Variants in MYOM2 observed in about 807,000 individuals in gnomAD.
MYOM2 encodes the protein myomesin-2.
MYOM2 carries 254 observed loss-of-function variants against 187.6 expected under a neutral mutation model. The observed-to-expected ratio is 1.35, with a 90% confidence interval of 1.22 to 1.50. The LOEUF is 1.50. MYOM2 is among the 40% of genes most tolerant of loss of function. The probability of loss-of-function intolerance (pLI) is 0.00; values close to 1 mark genes in which losing one functional copy is unlikely to be tolerated. For synonymous variants in MYOM2, 981 were observed against 753.8 expected, an observed-to-expected ratio of 1.30 and a Z score of -4.94; for missense variants, 2,796 against 1,924.0, an observed-to-expected ratio of 1.45 and a Z score of -8.48.
chr8:2,124,322 G>T (rs570179522), intron 31 of MYOM2, 105 bp downstream of exon 31: 20 of 1,192,644 alleles, frequency 1.7e-5, no homozygotes, highest in African/African-American at 3.0e-5. Context: ...GAGCTGTGGT[G>T]CGTGTTCTGT....
intron 11 of MYOM2, among the ~76,000 whole-genome samples, chr8:2,077,678 A>G (rs958128375): frequency 6.6e-6 from 1 of 152,096 alleles, no homozygotes; most frequent in Non-Finnish European, 1.5e-5. Context: ...TTTTCCCGCC[A>G]TGTTGACAAA....
At chr8:2,129,016 G>C (rs948766040) in intron 31 of MYOM2, 111 bp from the exon 32 acceptor site, 8 of 677,484 alleles carry the variant, frequency 1.2e-5, no homozygotes, top group African/African-American at 1.1e-4. Context: ...AGAGACACAA[G>C]TGAGAACAGG....
At chr8:2,101,457 G>A (rs1483248684) in intron 20 of MYOM2, among the ~76,000 whole-genome samples, 1 of 152,222 alleles carries the variant, frequency 6.6e-6, no homozygotes, top group East Asian at 1.9e-4. Flanking sequence ...GTTGATCTCT[G>A]CGCAAGCCAG....
At chr8:2,086,937 CTT>C (rs11381618) in intron 14 of MYOM2, among the ~76,000 whole-genome samples, 1 of 149,342 alleles carries the variant, frequency 6.7e-6, no homozygotes, top group African/African-American at 2.5e-5. Flanking sequence ...CAATAGAAAG[CTT>C]TTTTTTTTTC....
intron 32 of MYOM2, among the ~76,000 whole-genome samples, chr8:2,132,069 A>G (rs56095029): frequency 0.061 from 9,231 of 152,336 alleles, 372 homozygotes; most frequent in Middle Eastern, 0.12. Flanking sequence ...CTTCTTGATG[A>G]CTAAATGCGT....
chr8:2,075,153 C>G (rs1298934334), intron 10 of MYOM2, among the ~76,000 whole-genome samples: 1 of 152,200 alleles, frequency 6.6e-6, no homozygotes, highest in Non-Finnish European at 1.5e-5. Context: ...ACGTATCTCA[C>G]CCTCCTCACT....
intron 11 of MYOM2, 170 bp downstream of exon 11, chr8:2,076,452 C>T (rs185915228): frequency 2.0e-5 from 17 of 851,952 alleles, no homozygotes; most frequent in South Asian, 1.0e-4. Context: ...TTGGTAAATA[C>T]GGCCAAGTAG....
At chr8:2,080,458 T>C (rs1349927807) in intron 13 of MYOM2, among the ~76,000 whole-genome samples, 1 of 152,230 alleles carries the variant, frequency 6.6e-6, no homozygotes, top group Non-Finnish European at 1.5e-5. Context: ...TGTCCCTATG[T>C]TTCCCATGAG....
At position 2,059,183 on chromosome 8, in the gene MYOM2, G is replaced by C. The variant is rs139372201; in HGVS notation, c.591G>C (p.Ala197=). The C allele has an allele frequency of 3.1e-6, 5 of 1,614,050 alleles. No homozygotes were observed. The highest frequency in any genetic ancestry group is 3.4e-6 in the Non-Finnish European group (4 of 1,180,040). The change falls in exon 6 of 37, where the codon GCG becomes GCC. Residue 197 remains alanine (A), a synonymous_variant. Coordinates refer to ENST00000262113, the MANE Select transcript of MYOM2 (RefSeq NM_003970.4). ...AAGATGGCAGTCTGATTTGCCAGGC[G>C]GCTGAACCGGGAAAGTACAGGATTG... ...WYKDGSLICQ[A]AEPGKYRIES...
intron 18 of MYOM2, among the ~76,000 whole-genome samples, chr8:2,098,324 G>T (rs1399423042): frequency 2.0e-5 from 3 of 152,194 alleles, no homozygotes; most frequent in Non-Finnish European, 4.4e-5. Context: ...CAGCGTCCCT[G>T]AGGGCCCGGT....
At chr8:2,073,222 C>T (rs184333689) in intron 9 of MYOM2, 117 bp from the exon 10 acceptor site, 265 of 1,130,348 alleles carry the variant, frequency 2.3e-4, no homozygotes, top group Admixed American at 2.1e-3. Flanking sequence ...CTCTGCCTTC[C>T]GTGGTGTCCA....
intron 3 of MYOM2, among the ~76,000 whole-genome samples, chr8:2,056,979 C>G (rs1342470784): frequency 6.6e-6 from 1 of 152,224 alleles, no homozygotes; most frequent in Non-Finnish European, 1.5e-5. Context: ...TCCCGACTCT[C>G]TGAGTGGGTG....
chr8:2,139,948 A>G (rs1291160780), intron 32 of MYOM2, among the ~76,000 whole-genome samples: 3 of 152,112 alleles, frequency 2.0e-5, no homozygotes, highest in Non-Finnish European at 2.9e-5. Context: ...CATTTTAACC[A>G]CCTTTAAGGG....
intron 11 of MYOM2, among the ~76,000 whole-genome samples, chr8:2,078,395 C>G (rs1441070604): frequency 6.6e-6 from 1 of 152,152 alleles, no homozygotes; most frequent in African/African-American, 2.4e-5. Context: ...TAAGTCGGAA[C>G]AAGAACTGTT....
chr8:2,066,548 A>G (rs1283405478), intron 6 of MYOM2, among the ~76,000 whole-genome samples: 1 of 152,198 alleles, frequency 6.6e-6, no homozygotes, highest in Non-Finnish European at 1.5e-5. Context: ...TGGTTTTATT[A>G]TTTAGAAGAA....
In MYOM2 at chr8:2,087,271, G is replaced by A. The variant is rs141479665; in HGVS notation, c.1644+1881G>A. Among the ~76,000 whole-genome samples the A allele has an allele frequency of 5.9e-4, 90 of 152,272 alleles. 1 individual carries two copies. In the East Asian group the frequency reaches 0.015, roughly 26 times the overall value. On this transcript the variant is annotated intron_variant, in intron 14 of 36. Coordinates refer to ENST00000262113, the MANE Select transcript of MYOM2 (RefSeq NM_003970.4). Reference sequence around the variant, plus strand: ...GTAACAGAGAATATAACATATAGAAGCTTATGCCACCTAATACAATAATCG... The same window carrying A: ...GTAACAGAGAATATAACATATAGAAACTTATGCCACCTAATACAATAATCG...
intron 18 of MYOM2, among the ~76,000 whole-genome samples, chr8:2,098,359 C>A (rs1796566836): frequency 6.6e-6 from 1 of 152,132 alleles, no homozygotes; most frequent in Admixed American, 6.5e-5. Flanking sequence ...TGCAGCACCC[C>A]AGGGACATGG....
intron 25 of MYOM2, among the ~76,000 whole-genome samples, chr8:2,115,570 G>C (rs1394409820): frequency 6.6e-6 from 1 of 152,222 alleles, no homozygotes; most frequent in Non-Finnish European, 1.5e-5. Flanking sequence ...TGTGGAGATT[G>C]CCTGTTGTTG....
At chr8:2,137,003 A>G (rs1446215445) in intron 32 of MYOM2, among the ~76,000 whole-genome samples, 1 of 152,036 alleles carries the variant, frequency 6.6e-6, no homozygotes, top group African/African-American at 2.4e-5. Flanking sequence ...CTCTAAGTCT[A>G]AACAGTGAGA....
Sources: gnomAD v4.1 joint callset for allele counts (sites outside exome capture counted in the v4.1 genomes callset) on GRCh38, gnomAD v4.1.1 for gene constraint, MANE v1.5 for transcripts, NCBI Gene and HGNC (gene_info 2026-07-23, HGNC 2026-07-21) for gene names.